Variants in DCC observed in about 807,000 individuals in gnomAD.
The protein encoded by DCC is netrin receptor DCC.
In DCC, 58 loss-of-function variants were observed where a neutral mutation model predicts 172.5. That is an observed-to-expected ratio of 0.34 (90% CI 0.27 to 0.42). The LOEUF is 0.42. Among genes scored for constraint, DCC ranks in the 10% least tolerant of loss-of-function variants. The probability of loss-of-function intolerance (pLI) is 1.00; values close to 1 mark genes in which losing one functional copy is unlikely to be tolerated. For missense variants in DCC, 1,740 were observed against 1,791.0 expected (o/e 0.97, Z 0.51); for synonymous variants, 709 against 644.5 (o/e 1.10, Z -1.52).
At chr18:52,945,211 T>A (rs1286905300) in intron 5 of DCC, among the ~76,000 whole-genome samples, 1 of 152,224 alleles carries the variant, frequency 6.6e-6, no homozygotes, top group East Asian at 1.9e-4. Flanking sequence ...TTTAAAAATA[T>A]GAACTTAGGT....
chr18:52,409,952 G>A (rs72918828), intron 1 of DCC, among the ~76,000 whole-genome samples: 13,903 of 152,100 alleles, frequency 0.091, 844 homozygotes, highest in Middle Eastern at 0.18. Flanking sequence ...CCCTCTGGTG[G>A]TTCTCTCAGT....
intron 1 of DCC, among the ~76,000 whole-genome samples, chr18:52,589,089 T>G (rs1204105496): frequency 6.6e-6 from 1 of 152,156 alleles, no homozygotes; most frequent in Non-Finnish European, 1.5e-5. Flanking sequence ...GTTCAAATGA[T>G]CTAGCTTTAA....
At chr18:52,443,178 T>C (rs192032820) in intron 1 of DCC, among the ~76,000 whole-genome samples, 2 of 152,306 alleles carry the variant, frequency 1.3e-5, no homozygotes, top group East Asian at 1.9e-4. Context: ...AGTTCAATAT[T>C]GTGATGTTGT....
At chr18:52,971,169 T>G (rs1259297633) in intron 5 of DCC, among the ~76,000 whole-genome samples, 1 of 152,132 alleles carries the variant, frequency 6.6e-6, no homozygotes, top group Admixed American at 6.5e-5. Context: ...CCTTTTCTTT[T>G]TCGTTAGTGC....
intron 1 of DCC, among the ~76,000 whole-genome samples, chr18:52,643,843 C>A (rs910709597): frequency 2.0e-5 from 3 of 152,198 alleles, no homozygotes; most frequent in Admixed American, 1.3e-4. Context: ...AAATGACCAA[C>A]ATTTCCATCT....
At chr18:52,906,935 T>A (rs916012683) in intron 3 of DCC, among the ~76,000 whole-genome samples, 1 of 151,948 alleles carries the variant, frequency 6.6e-6, no homozygotes, top group Non-Finnish European at 1.5e-5. Flanking sequence ...CATACTGTAG[T>A]GCCAGACAGA....
rs9957030 is a variant in DCC at position 52,810,542 on chromosome 18, G to A, written c.412+58168G>A. On this transcript the variant is annotated intron_variant, in intron 2 of 28. Coordinates refer to ENST00000442544, the MANE Select transcript of DCC (RefSeq NM_005215.4). ...GATGAGACAGCTTTCAGTGGAGAGG[G>A]GGACATAGGGATGTTCCCCCTACCC... 3.5e-3 allele frequency among the ~76,000 whole-genome samples: 533 copies of A among 152,236 alleles called. 8 individuals are homozygous for A. Among genetic ancestry groups the A allele is most frequent in the African/African-American group, 0.012 (503 of 41,546 alleles).
At chr18:52,407,785 T>A (rs1016228815) in intron 1 of DCC, among the ~76,000 whole-genome samples, 2 of 151,866 alleles carry the variant, frequency 1.3e-5, no homozygotes, top group African/African-American at 4.8e-5. Flanking sequence ...ACATTCTCTA[T>A]TTCTAAGCTA....
chr18:52,438,516 A>G (rs1987868988), intron 1 of DCC, among the ~76,000 whole-genome samples: 1 of 152,224 alleles, frequency 6.6e-6, no homozygotes, highest in Admixed American at 6.5e-5. Flanking sequence ...GAAATTCTGC[A>G]AAATTTTATC....
At chr18:52,867,739 C>T (rs2039250878) in intron 2 of DCC, among the ~76,000 whole-genome samples, 1 of 152,074 alleles carries the variant, frequency 6.6e-6, no homozygotes, top group South Asian at 2.1e-4. Context: ...TCTTGACTAT[C>T]AGCTTTTAAT....
intron 2 of DCC, among the ~76,000 whole-genome samples, chr18:52,778,769 T>C (rs1035795456): frequency 2.6e-5 from 4 of 152,186 alleles, no homozygotes; most frequent in South Asian, 2.1e-4. Flanking sequence ...TGTCAAGATA[T>C]TCTGTTTTAT....
chr18:53,277,517 G>C (rs980041205), intron 12 of DCC, among the ~76,000 whole-genome samples: 7 of 152,098 alleles, frequency 4.6e-5, no homozygotes, highest in African/African-American at 1.7e-4. Context: ...AAGATCTTAT[G>C]GAATGGTTTG....
intron 1 of DCC, among the ~76,000 whole-genome samples, chr18:52,369,013 T>A (rs1246740996): frequency 6.6e-6 from 1 of 152,210 alleles, no homozygotes; most frequent in Non-Finnish European, 1.5e-5. Flanking sequence ...TTCTACCTGT[T>A]ATAGTATCGG....
chr18:52,857,434 G>A (rs188158971), intron 2 of DCC, among the ~76,000 whole-genome samples: 111 of 152,214 alleles, frequency 7.3e-4, no homozygotes, highest in South Asian at 5.4e-3. Context: ...AAAATATGAT[G>A]CATATTTTCT....
At chr18:52,637,331 A>T (rs2034801005) in intron 1 of DCC, among the ~76,000 whole-genome samples, 1 of 152,228 alleles carries the variant, frequency 6.6e-6, no homozygotes, top group Non-Finnish European at 1.5e-5. Flanking sequence ...TTCCTGATTG[A>T]CAGAGAATTC....
chr18:53,246,446 G>A (rs1048056337), intron 12 of DCC, among the ~76,000 whole-genome samples: 1 of 151,596 alleles, frequency 6.6e-6, no homozygotes, highest in Non-Finnish European at 1.5e-5. Context: ...AAAGGGTCAG[G>A]CAACAAGGAA....
At chr18:53,195,908 C>T (rs2055436752) in intron 9 of DCC, among the ~76,000 whole-genome samples, 1 of 152,120 alleles carries the variant, frequency 6.6e-6, no homozygotes, top group African/African-American at 2.4e-5. Flanking sequence ...GTTTTCTGTG[C>T]ATTTTGTCCT....
At chr18:53,183,497 T>A (rs946000463) in intron 9 of DCC, among the ~76,000 whole-genome samples, 1 of 152,108 alleles carries the variant, frequency 6.6e-6, no homozygotes, top group African/African-American at 2.4e-5. Context: ...TGCAGTCCTT[T>A]AAGATCCTGT....
chr18:52,493,587 T>C (rs2030610010), intron 1 of DCC, among the ~76,000 whole-genome samples: 1 of 150,678 alleles, frequency 6.6e-6, no homozygotes, highest in Non-Finnish European at 1.5e-5. Context: ...GGTTCATATA[T>C]ATTATTTTAT....
Sources: gnomAD v4.1 joint callset for allele counts (sites outside exome capture counted in the v4.1 genomes callset) on GRCh38, gnomAD v4.1.1 for gene constraint, MANE v1.5 for transcripts, NCBI Gene and HGNC (gene_info 2026-07-23, HGNC 2026-07-21) for gene names.